COL5A1: variants seen among roughly 807,000 people sequenced by gnomAD.
COL5A1 encodes the protein collagen alpha-1(V) chain.
COL5A1 carries 16 observed loss-of-function variants against 263.7 expected under a neutral mutation model. The ratio of observed to expected loss-of-function variants is 0.06; its 90% CI spans 0.04 to 0.09. The LOEUF (loss-of-function observed/expected upper bound fraction) is 0.09. COL5A1 is among the 10% of genes least tolerant of loss of function. The pLI is 1.00. For missense variants in COL5A1, 2,036 were observed against 2,540.5 expected (o/e 0.80, Z 4.27); for synonymous variants, 1,012 against 1,004.5 (o/e 1.01, Z -0.14).
At chr9:134,671,231 G>A (rs1192620356) in intron 1 of COL5A1, among the ~76,000 whole-genome samples, 4 of 152,218 alleles carry the variant, frequency 2.6e-5, no homozygotes, top group African/African-American at 2.4e-5. Flanking sequence ...GCTGCCCACC[G>A]CGGAGGGGAC....
chr9:134,826,869 G>A (rs1318799902), intron 63 of COL5A1, among the ~76,000 whole-genome samples: 1 of 151,164 alleles, frequency 6.6e-6, no homozygotes, highest in Non-Finnish European at 1.5e-5. Context: ...TGTGGCTGGT[G>A]TATGTGGGTG....
chr9:134,756,678 C>G, intron 16 of COL5A1, 87 bp from the exon 17 acceptor site: 1 of 1,438,618 alleles, frequency 7.0e-7, no homozygotes, highest in Non-Finnish European at 9.8e-7. Context: ...GTGGAACGCT[C>G]AACTTGGTTT....
Position 134,814,910 on chromosome 9 carries a change from T to G in COL5A1, c.4014+6T>G. ...ATGGTCCCAAAGGCAGCCCTGTGAG[T>G]ATTCCAGACACACCTCAGGGGCCCT... On this transcript the variant is annotated splice_donor_region_variant and intron_variant, in intron 50 of 65. Coordinates refer to ENST00000371817, the MANE Select transcript of COL5A1 (RefSeq NM_000093.5). 1 of 1,546,952 alleles carries G rather than the reference T, an allele frequency of 6.5e-7. No homozygotes were observed. The highest frequency in any genetic ancestry group is 8.7e-7 in the Non-Finnish European group (1 of 1,143,632).
chr9:134,757,729 C>A lies in COL5A1; in HGVS notation c.1882-514C>A, dbSNP rs1836033650. On this transcript the variant is annotated intron_variant, in intron 17 of 65. Transcript: ENST00000371817. The surrounding 1 kb of genome is among the most constrained non-coding windows in gnomAD (Gnocchi z 6.2). ...CACACCCATGAGACAGGGCCCTGTT[C>A]CCGGGCTCCAGGGCATGCAGAAGAG... Among the ~76,000 whole-genome samples, 4 of 152,186 alleles carry A rather than the reference C, an allele frequency of 2.6e-5. No individual in the cohort carries two copies. The highest frequency in any genetic ancestry group is 6.5e-5 in the Admixed American group (1 of 15,282).
In COL5A1 at chr9:134,838,995, C is replaced by T. The variant is rs530014400; in HGVS notation, c.5371-3162C>T. Among the ~76,000 whole-genome samples the T allele has an allele frequency of 2.2e-3, 339 of 152,360 alleles. 3 individuals carry two copies. The highest frequency in any genetic ancestry group is 0.02 in the Middle Eastern group (6 of 294). Reference sequence around the variant, plus strand: ...CCAACCACAATTTGAAAAGTCACAACCGTCTCATTTAATTACGGAGGCTGC... The same window carrying T: ...CCAACCACAATTTGAAAAGTCACAATCGTCTCATTTAATTACGGAGGCTGC... On this transcript the variant is annotated intron_variant, in intron 65 of 65. Coordinates refer to ENST00000371817, the MANE Select transcript of COL5A1 (RefSeq NM_000093.5).
chr9:134,778,508 G>A (rs890406650), intron 27 of COL5A1, among the ~76,000 whole-genome samples: 2 of 152,228 alleles, frequency 1.3e-5, no homozygotes, highest in African/African-American at 2.4e-5. Flanking sequence ...AGAGACTAGC[G>A]TAGGAGAGGC....
intron 23 of COL5A1, 57 bp from the exon 24 acceptor site, chr9:134,767,253 G>A: frequency 6.4e-7 from 1 of 1,568,730 alleles, no homozygotes; most frequent in Non-Finnish European, 8.8e-7. Flanking sequence ...TGGCAGGGGA[G>A]GGTTCTGAGT....
chr9:134,688,430 T>C (rs952775505), intron 1 of COL5A1, among the ~76,000 whole-genome samples: 11 of 152,182 alleles, frequency 7.2e-5, no homozygotes, highest in Admixed American at 5.9e-4. Flanking sequence ...CATCCTCTCT[T>C]TCCACGGGCT....
At chr9:134,749,495 C>T (rs1221452006) in intron 11 of COL5A1, among the ~76,000 whole-genome samples, 1 of 152,170 alleles carries the variant, frequency 6.6e-6, no homozygotes, top group African/African-American at 2.4e-5. Flanking sequence ...AGGTTCAGGC[C>T]CAGATGGCTC....
chr9:134,674,633 C>T (rs1054851059), intron 1 of COL5A1, among the ~76,000 whole-genome samples: 1 of 152,176 alleles, frequency 6.6e-6, no homozygotes, highest in African/African-American at 2.4e-5. Flanking sequence ...CGCCTGTAAT[C>T]CCAGCACTTT....
Position 134,842,364 on chromosome 9 carries a change from G to A in COL5A1, c.*61G>A. ...TGACCTCAGCATGCCATTCGTTCGT[G>A]AGTGTCCCGTGCACGTCCTGACCCT... On this transcript the variant is annotated 3_prime_UTR_variant, in exon 66 of 66. Coordinates refer to ENST00000371817, the MANE Select transcript of COL5A1 (RefSeq NM_000093.5). The surrounding 1 kb of genome is among the most constrained non-coding windows in gnomAD (Gnocchi z 5.8). The A allele has an allele frequency of 3.8e-6, 6 of 1,598,218 alleles. No homozygotes were observed. Among genetic ancestry groups the A allele is most frequent in the Non-Finnish European group, 1.7e-6 (2 of 1,170,616 alleles).
chr9:134,670,730 A>G (rs575181665), intron 1 of COL5A1, among the ~76,000 whole-genome samples: 1 of 152,270 alleles, frequency 6.6e-6, no homozygotes, highest in South Asian at 2.1e-4. Context: ...CAGAAAATGT[A>G]AGGGAATCTT....
At chr9:134,770,149 G>A (rs558077310) in intron 25 of COL5A1, among the ~76,000 whole-genome samples, 2 of 152,344 alleles carry the variant, frequency 1.3e-5, no homozygotes, top group South Asian at 2.1e-4. Context: ...CATCTCCCAC[G>A]AAAATCTGGA....
At chr9:134,695,304 G>A (rs1250707558) in intron 2 of COL5A1, among the ~76,000 whole-genome samples, 3 of 152,156 alleles carry the variant, frequency 2.0e-5, no homozygotes, top group Admixed American at 1.3e-4. Flanking sequence ...CCTGCACCCT[G>A]GGGCCTGGGC....
rs1836173020 is a variant in COL5A1, at chr9:134,759,545, A to ACG, written c.1935+1250_1935+1251insGC. Among the ~76,000 whole-genome samples the ACG allele has an allele frequency of 1.6e-5, 2 of 122,560 alleles. 1 individual carries two copies. Among genetic ancestry groups the ACG allele is most frequent in the South Asian group, 5.8e-4 (2 of 3,440 alleles). The allele number at this position is 122,560 out of a possible 152,430, so 80.4% of individuals were successfully genotyped here. A position where few individuals can be genotyped will look rare whatever the true frequency, so the allele number is the denominator to read the frequency against. On this transcript the variant is annotated intron_variant, in intron 18 of 65. Transcript: ENST00000371817. Reference sequence around the variant, plus strand: ...CACACCACATACACCACACATGCGCACACACACTCATACACACATGCACAC... The same window carrying ACG: ...CACACCACATACACCACACATGCGCACGCACACACTCATACACACATGCACAC...
Position 134,812,651 on chromosome 9 carries a change from G to C in COL5A1, c.3791G>C (p.Gly1264Ala). The C allele has an allele frequency of 1.3e-6, 2 of 1,598,346 alleles. No individual in the cohort carries two copies. Among genetic ancestry groups the C allele is most frequent in the Non-Finnish European group, 1.7e-6 (2 of 1,172,772 alleles). Residue 1264 changes from glycine to alanine, a missense_variant, in exon 48 of 66, where the codon GGT becomes GCT. This residue lies in a region of COL5A1 where 1,078 missense variants were observed against 1,521.4 expected (regional missense o/e 0.71). Coordinates refer to ENST00000371817, the MANE Select transcript of COL5A1 (RefSeq NM_000093.5). ...PGPRGPSGAPGADGPQGPPGG... is the reference protein window; with the variant it reads ...PGPRGPSGAPAADGPQGPPGG... ...CCCCGAGGACCCTCCGGAGCTCCAG[G>C]TGCTGATGGCCCACAAGGTCCCCCA...
At chr9:134,834,531 C>T (rs553071017) in intron 64 of COL5A1, among the ~76,000 whole-genome samples, 86 of 152,254 alleles carry the variant, frequency 5.6e-4, no homozygotes, top group Admixed American at 1.8e-3. Context: ...AGCCATGGGG[C>T]GGGTACCACG....
In COL5A1 at chr9:134,794,971, C is replaced by A; in HGVS notation, c.2701-111C>A. 8.2e-7 allele frequency: 1 copy of A among 1,224,792 alleles called. No individual in the cohort carries two copies. Among genetic ancestry groups the A allele is most frequent in the East Asian group, 2.4e-5 (1 of 41,494 alleles). The allele number at this position is 1,224,792 out of a possible 1,614,324, so 75.9% of individuals were successfully genotyped here. On this transcript the variant is annotated intron_variant, in intron 32 of 65. Transcript: ENST00000371817. The surrounding 1 kb of genome is among the most constrained non-coding windows in gnomAD (Gnocchi z 4.3). ...GGTGGGTGGCGGGGAGGCCCAGGTT[C>A]CTCCTATCCTGCTCTGAATTCACAG... is the stretch of plus-strand genomic sequence containing the variant.
At chr9:134,806,717 C>A (rs546430120) in intron 42 of COL5A1, among the ~76,000 whole-genome samples, 1 of 152,200 alleles carries the variant, frequency 6.6e-6, no homozygotes, top group East Asian at 1.9e-4. Context: ...GTGAACTGTT[C>A]CCTGCTGCTG....
Sources: gnomAD v4.1 joint callset for allele counts (sites outside exome capture counted in the v4.1 genomes callset) on GRCh38, gnomAD v4.1.1 for gene constraint, gnomAD v4.1.1 regional missense constraint, Gnocchi (gnomAD v3.1) non-coding constraint, MANE v1.5 for transcripts, NCBI Gene and HGNC (gene_info 2026-07-23, HGNC 2026-07-21) for gene names.